Variants in SMARCA4 observed in about 807,000 individuals in gnomAD.
SMARCA4 encodes SWI/SNF-related matrix-associated actin-dependent regulator of chromatin subfamily A member 4.
Under a neutral mutation model 193.9 loss-of-function variants are expected in SMARCA4, and 31 were observed. That is an observed-to-expected ratio of 0.16 (90% CI 0.12 to 0.22). The LOEUF is 0.22. Ranked by LOEUF, SMARCA4 falls within the 10% of genes least tolerant of loss-of-function variation. The pLI, the probability that SMARCA4 is intolerant of heterozygous loss-of-function variation, is 1.00. For missense variants in SMARCA4, 1,148 were observed against 2,296.0 expected (o/e 0.50, Z 10.22); for synonymous variants, 942 against 933.1 (o/e 1.01, Z -0.17).
chr19:11,014,356 C>T (rs1044908492), intron 16 of SMARCA4, among the ~76,000 whole-genome samples: 1 of 152,234 alleles, frequency 6.6e-6, no homozygotes, highest in Non-Finnish European at 1.5e-5. Context: ...GACCCCAGAA[C>T]CCTCCCAGGT....
chr19:11,008,120 G>A lies in SMARCA4; in HGVS notation c.2123+97G>A, dbSNP rs73923296. On this transcript the variant is annotated intron_variant, in intron 14 of 34. Coordinates refer to ENST00000344626, the MANE Select transcript of SMARCA4 (RefSeq NM_003072.5). ...CCCAGCCATCCCTAGCTGACATTCA[G>A]CACTGTCCAGCCAGCTGCTACTGTG... 1.7e-3 allele frequency: 2,140 copies of A among 1,247,726 alleles called. 33 individuals carry two copies. In the African/African-American group the frequency reaches 0.028, roughly 17 times the overall value. 77.3% of individuals were successfully genotyped at this position (1,247,726 alleles called of 1,614,324 possible).
At chr19:11,035,199 C>T in intron 29 of SMARCA4, 67 bp downstream of exon 29, 1 of 1,438,208 alleles carries the variant, frequency 7.0e-7, no homozygotes, top group Non-Finnish European at 9.6e-7. Flanking sequence ...AGACAAAGGG[C>T]CCACCGCCAG....
At chr19:10,961,735 G>T in intron 1 of SMARCA4, 1 of 152,314 alleles carries the variant, frequency 6.6e-6, no homozygotes. Context: ...GAAAGGTAAA[G>T]GACTCCCCCG....
intron 1 of SMARCA4, among the ~76,000 whole-genome samples, chr19:10,962,984 A>C (rs901907720): frequency 6.6e-6 from 1 of 152,140 alleles, no homozygotes; most frequent in Non-Finnish European, 1.5e-5. Context: ...CTGGCCCCAC[A>C]GTACCCTGGG....
chr19:10,986,899 A>T lies in SMARCA4; in HGVS notation c.761-6A>T, dbSNP rs772994811. Reference sequence around the variant, plus strand: ...TGTTTTCTCTTTTGTTTCTCCCTACATGTAGGTATGGGAGGGCCCAACATG... The same window carrying T: ...TGTTTTCTCTTTTGTTTCTCCCTACTTGTAGGTATGGGAGGGCCCAACATG... On this transcript the variant is annotated splice_region_variant and splice_polypyrimidine_tract_variant and intron_variant, in intron 4 of 34. Transcript: ENST00000344626. This position sits in a 1 kb window ranked among gnomAD's most constrained non-coding sequence, Gnocchi z 6.7. 1.2e-6 allele frequency: 2 copies of T among 1,605,132 alleles called. No individual in the cohort carries two copies. The highest frequency in any genetic ancestry group is 1.7e-6 in the Non-Finnish European group (2 of 1,172,634).
Position 11,025,402 on chromosome 19 carries a change from C to A in SMARCA4, c.3082-20C>A, listed in dbSNP as rs1440375175. On this transcript the variant is annotated intron_variant, in intron 21 of 34. Transcript: ENST00000344626. ...CAGGAGGGCAAGACCCCATTTGGGTCCCTCTCATCTGCCTTCCAGGGCAAA... is the reference window on the plus strand; with the variant it reads ...CAGGAGGGCAAGACCCCATTTGGGTACCTCTCATCTGCCTTCCAGGGCAAA... 6.3e-7 allele frequency: 1 copy of A among 1,590,108 alleles called. No individual in the cohort carries two copies. The highest frequency in any genetic ancestry group is 8.6e-7 in the Non-Finnish European group (1 of 1,160,154).
chr19:10,961,569 G>A (rs1228785396), intron 1 of SMARCA4: 1 of 152,232 alleles, frequency 6.6e-6, no homozygotes, highest in Non-Finnish European at 1.5e-5. Flanking sequence ...CGTGGTAACG[G>A]GTCCGACCCG....
chr19:11,029,836 G>A (rs996236983), intron 24 of SMARCA4, among the ~76,000 whole-genome samples: 2 of 152,108 alleles, frequency 1.3e-5, no homozygotes, highest in Non-Finnish European at 2.9e-5. Flanking sequence ...ACTACGCCCA[G>A]CTAATTTTCT....
chr19:11,033,070 C>T lies in SMARCA4; in HGVS notation c.3547-220C>T. The T allele has an allele frequency of 1.6e-6, 1 of 628,780 alleles. No homozygotes were observed. Among genetic ancestry groups the T allele is most frequent in the Non-Finnish European group, 2.9e-6 (1 of 345,966 alleles). The allele number at this position is 628,780 out of a possible 1,614,324, so 39.0% of individuals were successfully genotyped here. A position where few individuals can be genotyped will look rare whatever the true frequency, so the allele number is the denominator to read the frequency against. On this transcript the variant is annotated intron_variant, in intron 25 of 34. Coordinates refer to ENST00000344626, the MANE Select transcript of SMARCA4 (RefSeq NM_003072.5). The surrounding 1 kb of genome is among the most constrained non-coding windows in gnomAD (Gnocchi z 9.8). ...GGGGTCCCAATAAGGTAGAAGGTGGCACTTCTGGAGGAACGTGATGAGAGT... is the reference window on the plus strand; with the variant it reads ...GGGGTCCCAATAAGGTAGAAGGTGGTACTTCTGGAGGAACGTGATGAGAGT...
chr19:10,981,998 A>G lies in SMARCA4; in HGVS notation c.-31-2123A>G, dbSNP rs1416138334. Among the ~76,000 whole-genome samples, 5 of 151,716 alleles carry G rather than the reference A, an allele frequency of 3.3e-5. No individual in the cohort carries two copies. The East Asian group carries it at 7.8e-4, about 24-fold the overall frequency. The stretch of plus-strand genomic sequence containing the variant: ...GTAAGACTCTGTATACAAAACAAAA[A>G]CCCCTACCTTTCAAATTAAAACTTT... On this transcript the variant is annotated intron_variant, in intron 1 of 34. Coordinates refer to ENST00000344626, the MANE Select transcript of SMARCA4 (RefSeq NM_003072.5).
At chr19:11,013,168 T>C (rs1380497680) in intron 16 of SMARCA4, 56 bp downstream of exon 16, 1 of 1,589,394 alleles carries the variant, frequency 6.3e-7, no homozygotes, top group African/African-American at 1.3e-5. Flanking sequence ...CCTGTGTTTG[T>C]TTCCTAAGTT....
chr19:11,037,400 T>C (rs2075329268), intron 29 of SMARCA4, among the ~76,000 whole-genome samples: 1 of 152,220 alleles, frequency 6.6e-6, no homozygotes, highest in East Asian at 1.9e-4. Context: ...TGCATTTCCC[T>C]GATGGCTAAT....
In SMARCA4 at chr19:10,991,086, T is replaced by C. The variant is rs2145875276; in HGVS notation, c.1246-64T>C. ...GTGAAGCATGTGACATCACCATACG[T>C]GTTTGTCATTGTGGATGCCACAGAG... On this transcript the variant is annotated intron_variant, in intron 7 of 34. Transcript: ENST00000344626. 1.9e-6 allele frequency: 3 copies of C among 1,603,204 alleles called. No individual in the cohort carries two copies. The South Asian group carries it at 3.4e-5, about 18-fold the overall frequency.
chr19:11,055,119 C>T (rs1348238398), intron 30 of SMARCA4, among the ~76,000 whole-genome samples: 1 of 152,158 alleles, frequency 6.6e-6, no homozygotes, highest in African/African-American at 2.4e-5. Context: ...ACTGGGTGGT[C>T]TTGATTCATC....
In SMARCA4 at chr19:11,059,968, G is replaced by A. The variant is rs1300178946; in HGVS notation, c.4769-77G>A. The A allele has an allele frequency of 3.1e-6, 5 of 1,612,346 alleles. No individual in the cohort carries two copies. The Admixed American group carries it at 8.3e-5, about 27-fold the overall frequency. Reference sequence around the variant, plus strand: ...GCCCCAGCTTTTCACAGCCCTCCCGGCTCCCAGACGCCCCTTGCTGTGGGG... The same window carrying A: ...GCCCCAGCTTTTCACAGCCCTCCCGACTCCCAGACGCCCCTTGCTGTGGGG... On this transcript the variant is annotated intron_variant, in intron 33 of 34. Transcript: ENST00000344626.
Position 11,019,227 on chromosome 19 carries a change from A to T in SMARCA4, c.2505+204A>T. 1.5e-6 allele frequency: 1 copy of T among 655,780 alleles called. No individual in the cohort carries two copies. The highest frequency in any genetic ancestry group is 2.8e-6 in the Non-Finnish European group (1 of 359,426). 40.6% of individuals were successfully genotyped at this position (655,780 alleles called of 1,614,324 possible). A position where few individuals can be genotyped will look rare whatever the true frequency, so the allele number is the denominator to read the frequency against. ...GACAGGGCAGATTAGCTCACTGGGG[A>T]GGAGACAGGAGTGAGCATGGTGGCC... On this transcript the variant is annotated intron_variant, in intron 17 of 34. Coordinates refer to ENST00000344626, the MANE Select transcript of SMARCA4 (RefSeq NM_003072.5). The surrounding 1 kb of genome is among the most constrained non-coding windows in gnomAD (Gnocchi z 6.1).
chr19:11,003,279 G>A lies in SMARCA4; in HGVS notation c.1944-61G>A, dbSNP rs1224772087. 3 of 1,605,976 alleles carry A rather than the reference G, an allele frequency of 1.9e-6. No individual in the cohort carries two copies. In the East Asian group the frequency reaches 6.7e-5, roughly 36 times the overall value. Reference sequence around the variant, plus strand: ...GTTTGAATTCCCGGCAGGTTTGGTAGGGAAAGTGAATTCTGCTGGCTCTGA... The same window carrying A: ...GTTTGAATTCCCGGCAGGTTTGGTAAGGAAAGTGAATTCTGCTGGCTCTGA... On this transcript the variant is annotated intron_variant, in intron 12 of 34. Coordinates refer to ENST00000344626, the MANE Select transcript of SMARCA4 (RefSeq NM_003072.5).
At chr19:10,962,677 G>A (rs2083900880) in intron 1 of SMARCA4, among the ~76,000 whole-genome samples, 1 of 152,012 alleles carries the variant, frequency 6.6e-6, no homozygotes, top group East Asian at 1.9e-4. Flanking sequence ...TGAGTAGCTG[G>A]GACTACAGGC....
chr19:11,018,889 C>A, intron 16 of SMARCA4, 68 bp from the exon 17 acceptor site: 1 of 1,333,406 alleles, frequency 7.5e-7, no homozygotes, highest in Non-Finnish European at 1.1e-6. Flanking sequence ...CAGCCAGTGG[C>A]TATGGGTTTG....
Sources: allele counts gnomAD v4.1 joint callset (sites outside exome capture counted in the v4.1 genomes callset), GRCh38; gene constraint gnomAD v4.1.1; non-coding constraint Gnocchi (gnomAD v3.1); transcripts MANE v1.5; gene names NCBI Gene and HGNC (gene_info 2026-07-23, HGNC 2026-07-21).